Variants in NDUFA9 observed in about 807,000 individuals in gnomAD.
NDUFA9 encodes NADH dehydrogenase [ubiquinone] 1 alpha subcomplex subunit 9, mitochondrial.
Under a neutral mutation model 45.9 loss-of-function variants are expected in NDUFA9, and 23 were observed. The ratio of observed to expected loss-of-function variants is 0.50; its 90% CI spans 0.36 to 0.71. The LOEUF (loss-of-function observed/expected upper bound fraction) is 0.71. Ranked by LOEUF, NDUFA9 falls within the 30% of genes least tolerant of loss-of-function variation. The pLI, the probability that NDUFA9 is intolerant of heterozygous loss-of-function variation, is 0.00. For synonymous variants in NDUFA9, 176 were observed against 170.5 expected, an observed-to-expected ratio of 1.03 and a Z score of -0.25; for missense variants, 466 against 488.2, an observed-to-expected ratio of 0.95 and a Z score of 0.43.
intron 8 of NDUFA9, among the ~76,000 whole-genome samples, chr12:4,675,242 T>C (rs1945912143): frequency 6.6e-6 from 1 of 152,052 alleles, no homozygotes; most frequent in East Asian, 1.9e-4. Context: ...CACTCTAACA[T>C]CACATTTAAA....
At chr12:4,675,969 G>T (rs1295141883) in intron 8 of NDUFA9, among the ~76,000 whole-genome samples, 2 of 152,176 alleles carry the variant, frequency 1.3e-5, no homozygotes, top group Non-Finnish European at 1.5e-5. Context: ...TTCATCCGGG[G>T]ATAAAAGGCT....
intron 3 of NDUFA9, among the ~76,000 whole-genome samples, chr12:4,656,480 T>G (rs1295805536): frequency 2.6e-5 from 4 of 152,242 alleles, no homozygotes; most frequent in Non-Finnish European, 5.9e-5. Context: ...TCTGAGCACG[T>G]TTGGATGACC....
intron 4 of NDUFA9, among the ~76,000 whole-genome samples, chr12:4,658,147 G>C (rs888494463): frequency 4.6e-5 from 7 of 152,226 alleles, no homozygotes; most frequent in Non-Finnish European, 8.8e-5. Context: ...GATTTTGCCT[G>C]TTCTGCTGTT....
chr12:4,655,078 C>A, intron 3 of NDUFA9, 156 bp downstream of exon 3: 1 of 594,232 alleles, frequency 1.7e-6, no homozygotes. Flanking sequence ...GTTCCGGCAT[C>A]TCCTTTGTCA....
chr12:4,653,475 G>A (rs1045709982), intron 1 of NDUFA9: 11 of 325,584 alleles, frequency 3.4e-5, no homozygotes, highest in Non-Finnish European at 4.7e-5. Context: ...TGATTTCTTT[G>A]CACACATGCT....
rs571607809 is a variant in NDUFA9 at position 4,694,221 on chromosome 12, A to G, written c.*7113A>G. 6.6e-6 allele frequency: 1 copy of G among 152,346 alleles called. No individual in the cohort carries two copies. Among genetic ancestry groups the G allele is most frequent in the South Asian group, 2.1e-4 (1 of 4,832 alleles). 9.4% of individuals were successfully genotyped at this position (152,346 alleles called of 1,614,324 possible). The stretch of plus-strand genomic sequence containing the variant: ...CTCCTTCCCCAGTTTTGCTTCTATT[A>G]GCACATTTATTTCAGTAATTTTGAT... On this transcript the variant is annotated 3_prime_UTR_variant, in exon 11 of 11. Coordinates refer to ENST00000266544, the MANE Select transcript of NDUFA9 (RefSeq NM_005002.5).
intron 1 of NDUFA9, among the ~76,000 whole-genome samples, chr12:4,649,997 A>G (rs1439957607): frequency 1.3e-5 from 2 of 152,194 alleles, no homozygotes; most frequent in African/African-American, 4.8e-5. Context: ...ACATATTCCA[A>G]TCAAACCCCC....
At position 4,688,469 on chromosome 12, in the gene NDUFA9, AT is replaced by A. The variant is rs1200810118; in HGVS notation, c.*1362del. The A allele has an allele frequency of 8.2e-6, 1 of 121,502 alleles. No homozygotes were observed. The highest frequency in any genetic ancestry group is 1.7e-5 in the Non-Finnish European group (1 of 60,354). The allele number at this position is 121,502 out of a possible 1,614,324, so 7.5% of individuals were successfully genotyped here. ...CACTGCACTTCAGCTTGGACTGAAG[AT>A]CCTGTCTCAGAAAAAAAAAAAAAAA... On this transcript the variant is annotated 3_prime_UTR_variant, in exon 11 of 11. Transcript: ENST00000266544.
intron 2 of NDUFA9, 25 bp from the exon 3 acceptor site, chr12:4,654,796 GATCC>G: frequency 2.6e-6 from 4 of 1,515,248 alleles, no homozygotes; most frequent in Non-Finnish European, 2.7e-6. Flanking sequence ...TGTTAATGTT[GATCC>G]TTTTTTCAAT....
intron 3 of NDUFA9, 147 bp from the exon 4 acceptor site, chr12:4,657,601 T>C (rs1339074524): frequency 3.2e-6 from 2 of 623,258 alleles, no homozygotes; most frequent in Non-Finnish European, 5.7e-6. Flanking sequence ...TCATTTCTGT[T>C]GTAATAAATG....
At chr12:4,672,108 G>A (rs930045497) in intron 8 of NDUFA9, among the ~76,000 whole-genome samples, 8 of 152,170 alleles carry the variant, frequency 5.3e-5, no homozygotes, top group African/African-American at 1.9e-4. Context: ...AAAACAGGGT[G>A]GGGTGTCGCT....
chr12:4,680,544 G>C (rs1345692585), intron 8 of NDUFA9, among the ~76,000 whole-genome samples: 2 of 152,182 alleles, frequency 1.3e-5, no homozygotes, highest in Non-Finnish European at 2.9e-5. Flanking sequence ...AAGTGCTTCA[G>C]AACAGCTGAA....
chr12:4,682,486 A>T (rs558133642), intron 9 of NDUFA9, among the ~76,000 whole-genome samples, 186 bp downstream of exon 9: 2 of 152,248 alleles, frequency 1.3e-5, no homozygotes, highest in South Asian at 4.1e-4. Flanking sequence ...ATATTGGAAC[A>T]TTAAATCTTC....
At chr12:4,654,166 C>G in intron 1 of NDUFA9, 126 bp from the exon 2 acceptor site, 1 of 881,176 alleles carries the variant, frequency 1.1e-6, no homozygotes, top group Non-Finnish European at 1.7e-6. Flanking sequence ...GCCCTTGATA[C>G]TTAAATTGCT....
At chr12:4,659,198 G>T in intron 5 of NDUFA9, 21 bp downstream of exon 5, 1 of 1,597,494 alleles carries the variant, frequency 6.3e-7, no homozygotes, top group Non-Finnish European at 8.6e-7. Context: ...AATTGATCTG[G>T]GAAGTGGTTC....
intron 9 of NDUFA9, among the ~76,000 whole-genome samples, chr12:4,683,525 A>G (rs912793699): frequency 6.6e-6 from 1 of 152,226 alleles, no homozygotes; most frequent in Non-Finnish European, 1.5e-5. Context: ...ATGGTCTAAC[A>G]GGGGTACCAG....
chr12:4,693,066 C>G lies in NDUFA9; in HGVS notation c.*5958C>G, dbSNP rs1308941007. ...TTGGGAGGCTGAGGTGGGAGGATCA[C>G]TTGAGCCCAGGAGTTTGAGACCAGC... On this transcript the variant is annotated 3_prime_UTR_variant, in exon 11 of 11. Coordinates refer to ENST00000266544, the MANE Select transcript of NDUFA9 (RefSeq NM_005002.5). The G allele has an allele frequency of 1.3e-5, 2 of 152,482 alleles. No homozygotes were observed. The highest frequency in any genetic ancestry group is 2.9e-5 in the Non-Finnish European group (2 of 68,272). 9.4% of individuals were successfully genotyped at this position (152,482 alleles called of 1,614,324 possible).
intron 8 of NDUFA9, among the ~76,000 whole-genome samples, chr12:4,680,004 A>G (rs536351227): frequency 1.1e-4 from 17 of 152,334 alleles, no homozygotes; most frequent in African/African-American, 3.8e-4. Context: ...TTTAACAAGG[A>G]AAAGAATTCA....
At chr12:4,683,890 A>G (rs1314768737) in intron 9 of NDUFA9, among the ~76,000 whole-genome samples, 1 of 152,354 alleles carries the variant, frequency 6.6e-6, no homozygotes, top group East Asian at 1.9e-4. Context: ...TATTGGTAGA[A>G]TGAAGTCTTA....
Sources: gnomAD v4.1 joint callset for allele counts (sites outside exome capture counted in the v4.1 genomes callset) on GRCh38, gnomAD v4.1.1 for gene constraint, MANE v1.5 for transcripts, NCBI Gene and HGNC (gene_info 2026-07-23, HGNC 2026-07-21) for gene names.